The following LRRFIP2 variants were observed in gnomAD, a reference collection of about 807,000 sequenced individuals.
LRRFIP2 encodes LRR binding FLII interacting protein 2.
LRRFIP2 carries 109 observed loss-of-function variants against 125.9 expected under a neutral mutation model. The ratio of observed to expected loss-of-function variants is 0.87; its 90% CI spans 0.74 to 1.01. The LOEUF (loss-of-function observed/expected upper bound fraction) is 1.01. LRRFIP2 is among the 50% of genes least tolerant of loss of function. LRRFIP2 has a pLI of 0.00. For missense variants in LRRFIP2, 850 were observed against 862.3 expected (o/e 0.99, Z 0.18); for synonymous variants, 291 against 293.1 (o/e 0.99, Z 0.07).
In LRRFIP2 at chr3:37,083,738, C is replaced by T; in HGVS notation, c.1176G>A (p.Glu392=). 6.2e-7 allele frequency: 1 copy of T among 1,602,574 alleles called. No individual in the cohort carries two copies. Among genetic ancestry groups the T allele is most frequent in the Non-Finnish European group, 8.5e-7 (1 of 1,176,184 alleles). ...AMVSNAQLDN[E]KNNLIYQVDT... ...CTACTTGGTAGATCAAATTGTTCTTCTCATTGTCTAACTGTGCATTGGAAA... is the reference window on the plus strand; with the variant it reads ...CTACTTGGTAGATCAAATTGTTCTTTTCATTGTCTAACTGTGCATTGGAAA... Residue 392 remains glutamate (E), a synonymous_variant, in exon 19 of 28, where the codon GAG becomes GAA. Coordinates refer to ENST00000336686, the MANE Select transcript of LRRFIP2 (RefSeq NM_006309.4).
chr3:37,134,634 G>A, intron 2 of LRRFIP2: 2 of 609,052 alleles, frequency 3.3e-6, no homozygotes, highest in South Asian at 2.8e-5. Flanking sequence ...GAGAGAGTGA[G>A]GAGCCAGATG....
At chr3:37,061,348 C>T (rs1404050808) in intron 24 of LRRFIP2, among the ~76,000 whole-genome samples, 1 of 152,046 alleles carries the variant, frequency 6.6e-6, no homozygotes, top group East Asian at 1.9e-4. Flanking sequence ...CATACTTCCT[C>T]TACAGCTTGC....
Position 37,129,049 on chromosome 3 carries a change from T to A in LRRFIP2, c.177+14A>T, listed in dbSNP as rs760362146. 1 of 1,609,090 alleles carries A rather than the reference T, an allele frequency of 6.2e-7. No homozygotes were observed. Among genetic ancestry groups the A allele is most frequent in the Non-Finnish European group, 8.5e-7 (1 of 1,175,538 alleles). On this transcript the variant is annotated intron_variant, in intron 3 of 27. Coordinates refer to ENST00000336686, the MANE Select transcript of LRRFIP2 (RefSeq NM_006309.4). ...GGAGACAAATATGAAATTAGGGTTA[T>A]TCCCTCAAATTACCTCTTTTTGTTG...
At chr3:37,086,153 T>C (rs1004898256) in intron 18 of LRRFIP2, among the ~76,000 whole-genome samples, 6 of 152,108 alleles carry the variant, frequency 3.9e-5, no homozygotes, top group Non-Finnish European at 7.4e-5. Flanking sequence ...AAAATGCACA[T>C]CGAAACCACA....
intron 23 of LRRFIP2, chr3:37,065,468 A>C: frequency 2.2e-6 from 1 of 450,722 alleles, no homozygotes; most frequent in Non-Finnish European, 4.4e-6. Context: ...AACACACTTG[A>C]GAAGTCTCCT....
chr3:37,166,018 A>G (rs184397062), intron 1 of LRRFIP2, among the ~76,000 whole-genome samples: 2 of 152,272 alleles, frequency 1.3e-5, no homozygotes, highest in East Asian at 3.9e-4. Flanking sequence ...GCAACAAAAG[A>G]AAAGGTAAGT....
At chr3:37,117,094 T>C (rs1413840232) in intron 6 of LRRFIP2, among the ~76,000 whole-genome samples, 1 of 151,044 alleles carries the variant, frequency 6.6e-6, no homozygotes, top group Non-Finnish European at 1.5e-5. Flanking sequence ...TATAGAAATT[T>C]CTAAATTAAA....
intron 6 of LRRFIP2, among the ~76,000 whole-genome samples, chr3:37,119,715 C>A (rs913230781): frequency 6.6e-6 from 1 of 152,150 alleles, no homozygotes; most frequent in Non-Finnish European, 1.5e-5. Context: ...GGCTGGAGTG[C>A]GGTGGCACGA....
chr3:37,161,011 C>G (rs553569917), intron 1 of LRRFIP2, among the ~76,000 whole-genome samples: 1 of 151,864 alleles, frequency 6.6e-6, no homozygotes, highest in African/African-American at 2.4e-5. Flanking sequence ...TAAGCAAATG[C>G]GGCATATCCA....
intron 2 of LRRFIP2, chr3:37,143,705 G>A (rs968189706): frequency 5.4e-5 from 9 of 167,660 alleles, no homozygotes; most frequent in Non-Finnish European, 9.1e-5. Context: ...GTAAACTTTA[G>A]ACATATTTCC....
intron 23 of LRRFIP2, chr3:37,064,030 AG>A: frequency 2.2e-6 from 1 of 460,970 alleles, no homozygotes; most frequent in Non-Finnish European, 3.9e-6. Flanking sequence ...TGTTCCCCAC[AG>A]CAGTGATTTG....
intron 17 of LRRFIP2, among the ~76,000 whole-genome samples, chr3:37,094,280 A>T (rs2093615513): frequency 6.6e-6 from 1 of 152,186 alleles, no homozygotes. Context: ...TTCCAAGTAA[A>T]GGGGTTAATA....
In LRRFIP2 at chr3:37,069,589, T is replaced by TG. The variant is rs530798515; in HGVS notation, c.1464+3200dup. On this transcript the variant is annotated intron_variant, in intron 21 of 27. Transcript: ENST00000336686. Reference sequence around the variant, plus strand: ...AGGGACTGAATGGGGAGTTGTTTAATGGGTACAGATTTCAGCTGGGGAAGA... The same window carrying TG: ...AGGGACTGAATGGGGAGTTGTTTAATGGGGTACAGATTTCAGCTGGGGAAGA... Among the ~76,000 whole-genome samples, 28 of 152,324 alleles carry TG rather than the reference T, an allele frequency of 1.8e-4. No individual in the cohort carries two copies. The South Asian group carries it at 4.6e-3, about 25-fold the overall frequency.
At chr3:37,083,303 T>C (rs1223142136) in intron 19 of LRRFIP2, among the ~76,000 whole-genome samples, 4 of 152,170 alleles carry the variant, frequency 2.6e-5, no homozygotes, top group Non-Finnish European at 5.9e-5. Context: ...CTTTGGAGCT[T>C]TGCGGGAGTT....
At chr3:37,123,778 C>T (rs978478390) in intron 4 of LRRFIP2, among the ~76,000 whole-genome samples, 83 of 152,110 alleles carry the variant, frequency 5.5e-4, no homozygotes, top group African/African-American at 1.9e-3. Context: ...GCCTTTTTTC[C>T]ATTCCATCTA....
intron 1 of LRRFIP2, among the ~76,000 whole-genome samples, chr3:37,151,628 C>T (rs1404799703): frequency 2.0e-5 from 3 of 146,482 alleles, no homozygotes; most frequent in African/African-American, 7.6e-5. Context: ...GATGGAGTCT[C>T]GCTCTGTCAC....
intron 16 of LRRFIP2, among the ~76,000 whole-genome samples, chr3:37,095,947 T>TA (rs1473255559): frequency 6.6e-6 from 1 of 152,232 alleles, no homozygotes; most frequent in African/African-American, 2.4e-5. Flanking sequence ...TAGTCTGGCC[T>TA]AGTAATTTTA....
At chr3:37,114,447 T>C (rs1040231479) in intron 7 of LRRFIP2, among the ~76,000 whole-genome samples, 7 of 152,104 alleles carry the variant, frequency 4.6e-5, no homozygotes, top group Non-Finnish European at 5.9e-5. Flanking sequence ...AGAATGACAA[T>C]GAGTATATGT....
At chr3:37,156,777 A>C (rs1206070942) in intron 1 of LRRFIP2, among the ~76,000 whole-genome samples, 1 of 151,974 alleles carries the variant, frequency 6.6e-6, no homozygotes, top group African/African-American at 2.4e-5. Flanking sequence ...GTGGAAAAGA[A>C]AAGGAAGGCA....
Sources: allele counts gnomAD v4.1 joint callset (sites outside exome capture counted in the v4.1 genomes callset), GRCh38; gene constraint gnomAD v4.1.1; transcripts MANE v1.5; gene names NCBI Gene and HGNC (gene_info 2026-07-23, HGNC 2026-07-21).